The following TMEM132D variants were observed in gnomAD, a reference collection of about 807,000 sequenced individuals.
The protein encoded by TMEM132D is transmembrane protein 132D, also known as mature OL transmembrane protein.
A neutral mutation model predicts 62.3 loss-of-function variants in TMEM132D; 21 were observed. The observed-to-expected ratio is 0.34, with a 90% confidence interval of 0.24 to 0.49. The LOEUF (loss-of-function observed/expected upper bound fraction) is 0.49. Among genes scored for constraint, TMEM132D ranks in the 20% least tolerant of loss-of-function variants. The pLI is 0.99. For synonymous variants in TMEM132D, 621 were observed against 575.6 expected, an observed-to-expected ratio of 1.08 and a Z score of -1.13; for missense variants, 1,346 against 1,402.8, an observed-to-expected ratio of 0.96 and a Z score of 0.65.
At chr12:129,871,926 GA>G (rs1158149620) in intron 1 of TMEM132D, among the ~76,000 whole-genome samples, 2 of 152,196 alleles carry the variant, frequency 1.3e-5, no homozygotes, top group African/African-American at 4.8e-5. Context: ...AGGCCTACAG[GA>G]ACGGAAGAGG....
At chr12:129,689,230 G>A (rs916405283) in intron 2 of TMEM132D, among the ~76,000 whole-genome samples, 3 of 152,078 alleles carry the variant, frequency 2.0e-5, no homozygotes, top group African/African-American at 7.2e-5. Context: ...ATGGAACAGG[G>A]GCAGCACTTA....
intron 4 of TMEM132D, among the ~76,000 whole-genome samples, chr12:129,252,403 T>A (rs1206680240): frequency 6.6e-6 from 1 of 151,968 alleles, no homozygotes; most frequent in Non-Finnish European, 1.5e-5. Flanking sequence ...CTCCTCAAGG[T>A]TCCTGGTGAA....
In TMEM132D at chr12:129,189,394, G is replaced by C. The variant is rs566147297; in HGVS notation, c.1443+20126C>G. ...TTTCCAATCCCTGGGAAGTAAGGAA[G>C]ATGGACCTGGCTCAGGCCTCAGAAT... On this transcript the variant is annotated intron_variant, in intron 5 of 8. Coordinates refer to ENST00000422113, the MANE Select transcript of TMEM132D (RefSeq NM_133448.3). 2.0e-5 allele frequency among the ~76,000 whole-genome samples: 3 copies of C among 152,276 alleles called. No homozygotes were observed. In the East Asian group the frequency reaches 5.8e-4, roughly 29 times the overall value.
At position 129,864,529 on chromosome 12, in the gene TMEM132D, T is replaced by C. The variant is rs548231846; in HGVS notation, c.79+38732A>G. Among the ~76,000 whole-genome samples the C allele has an allele frequency of 6.6e-5, 10 of 152,282 alleles. No homozygotes were observed. In the South Asian group the frequency reaches 2.1e-3, roughly 32 times the overall value. On this transcript the variant is annotated intron_variant, in intron 1 of 8. Transcript: ENST00000422113. Reference sequence around the variant, plus strand: ...ACTGAAAAAGATAAGGTGTTTTTCCTGCTGAACCTGAAGTTTGGAGGATGT... The same window carrying C: ...ACTGAAAAAGATAAGGTGTTTTTCCCGCTGAACCTGAAGTTTGGAGGATGT...
At chr12:129,432,159 T>TGGTTGGA (rs1872673283) in intron 3 of TMEM132D, among the ~76,000 whole-genome samples, 3 of 134,370 alleles carry the variant, frequency 2.2e-5, no homozygotes, top group Non-Finnish European at 4.8e-5. Flanking sequence ...GGATGGATGC[T>TGGTTGGA]TGGATGGATG....
At chr12:129,156,430 C>T (rs745401425) in intron 5 of TMEM132D, among the ~76,000 whole-genome samples, 2 of 152,194 alleles carry the variant, frequency 1.3e-5, no homozygotes, top group Non-Finnish European at 2.9e-5. Context: ...AACTAACTCA[C>T]TGTTGAGATA....
intron 1 of TMEM132D, among the ~76,000 whole-genome samples, chr12:129,769,315 T>C (rs1224424917): frequency 6.6e-6 from 1 of 152,122 alleles, no homozygotes; most frequent in Non-Finnish European, 1.5e-5. Context: ...AAGTCATGTC[T>C]TACATGGCAG....
intron 1 of TMEM132D, among the ~76,000 whole-genome samples, chr12:129,851,681 C>T (rs908464109): frequency 6.6e-6 from 1 of 151,276 alleles, no homozygotes; most frequent in Admixed American, 6.6e-5. Context: ...AGCACTGCTT[C>T]CCTACAGCAG....
chr12:129,713,298 T>C (rs1170792198), intron 1 of TMEM132D, among the ~76,000 whole-genome samples: 1 of 152,206 alleles, frequency 6.6e-6, no homozygotes, highest in African/African-American at 2.4e-5. Context: ...GAGTAGTATG[T>C]AAACATGGAT....
At chr12:129,813,113 CTT>C (rs1872237065) in intron 1 of TMEM132D, among the ~76,000 whole-genome samples, 1 of 151,854 alleles carries the variant, frequency 6.6e-6, no homozygotes, top group Admixed American at 6.6e-5. Flanking sequence ...CTTTCTCCCA[CTT>C]TTTCATTCAA....
intron 5 of TMEM132D, among the ~76,000 whole-genome samples, chr12:129,171,475 C>T (rs774996739): frequency 2.6e-5 from 4 of 152,168 alleles, no homozygotes; most frequent in African/African-American, 7.2e-5. Context: ...TGCTTAATGG[C>T]GAATAGGGAA....
At chr12:129,723,653 C>G (rs1367569222) in intron 1 of TMEM132D, among the ~76,000 whole-genome samples, 6 of 152,228 alleles carry the variant, frequency 3.9e-5, no homozygotes, top group Admixed American at 3.3e-4. Context: ...TGTCCCGACC[C>G]TTGCTCACAG....
At chr12:129,369,795 G>A (rs1017845275) in intron 3 of TMEM132D, among the ~76,000 whole-genome samples, 11 of 152,384 alleles carry the variant, frequency 7.2e-5, no homozygotes, top group African/African-American at 2.6e-4. Context: ...GGAAAAGGGA[G>A]GGAAGAGGCT....
rs186813815 is a variant in TMEM132D, at chr12:129,649,770, A to C, written c.968+50040T>G. ...AAGATATATACACATATGTATGTGT[A>C]TATGTGTGTATATGTATGTGTGTGT... On this transcript the variant is annotated intron_variant, in intron 2 of 8. Transcript: ENST00000422113. Among the ~76,000 whole-genome samples the C allele has an allele frequency of 1.1e-3, 168 of 152,004 alleles. No individual in the cohort carries two copies. The South Asian group carries it at 0.012, about 11-fold the overall frequency.
Position 129,074,452 on chromosome 12 carries a change from T to C in TMEM132D, c.2723A>G (p.Gln908Arg), listed in dbSNP as rs2135603172. 1 of 1,614,194 alleles carries C rather than the reference T, an allele frequency of 6.2e-7. No individual in the cohort carries two copies. Among genetic ancestry groups the C allele is most frequent in the Admixed American group, 1.7e-5 (1 of 60,026 alleles). Residue 908 changes from glutamine (Q) to arginine (R), a missense_variant, in exon 9 of 9, where the codon CAG (glutamine) becomes CGG (arginine). By Grantham distance (43) the Gln-to-Arg change is conservative. Coordinates refer to ENST00000422113, the MANE Select transcript of TMEM132D (RefSeq NM_133448.3). ...NGEMDGNDLM[Q>R]ASKGLSDLEI... Reference sequence around the variant, plus strand: ...TAAGTCGCTCAGCCCTTTGGATGCCTGCATAAGGTCATTCCCATCCATTTC... The same window carrying C: ...TAAGTCGCTCAGCCCTTTGGATGCCCGCATAAGGTCATTCCCATCCATTTC...
At chr12:129,198,394 G>A (rs1040885834) in intron 5 of TMEM132D, among the ~76,000 whole-genome samples, 11 of 152,068 alleles carry the variant, frequency 7.2e-5, no homozygotes, top group East Asian at 5.8e-4. Context: ...TTACAATAGC[G>A]GAGTTATGGA....
intron 5 of TMEM132D, among the ~76,000 whole-genome samples, chr12:129,172,487 T>A (rs1006338117): frequency 6.6e-6 from 1 of 152,254 alleles, no homozygotes; most frequent in Non-Finnish European, 1.5e-5. Flanking sequence ...TCTGCCTTCC[T>A]CACTCAGCTT....
At chr12:129,478,218 G>A (rs1260036469) in intron 3 of TMEM132D, among the ~76,000 whole-genome samples, 1 of 152,204 alleles carries the variant, frequency 6.6e-6, no homozygotes, top group Non-Finnish European at 1.5e-5. Flanking sequence ...GTTTCTCTGG[G>A]TGAGTCAGTG....
At position 129,700,343 on chromosome 12, in the gene TMEM132D, C is replaced by A. The variant is rs1881356424; in HGVS notation, c.435G>T (p.Val145=). The change falls in exon 2 of 9, where the codon GTG becomes GTT. Residue 145 remains valine, a synonymous_variant. Transcript: ENST00000422113. Reference sequence around the variant, plus strand: ...TGCCCATGATGTGGAACAGAACCTGCACTTTGGGCCGGCTCAGGTAGACTT... The same window carrying A: ...TGCCCATGATGTGGAACAGAACCTGAACTTTGGGCCGGCTCAGGTAGACTT... ...RDKVYLSRPK[V]QVLFHIMGRD... is the part of the protein sequence containing the mutation. 2.5e-6 allele frequency: 4 copies of A among 1,614,022 alleles called. No homozygotes were observed. Among genetic ancestry groups the A allele is most frequent in the Non-Finnish European group, 3.4e-6 (4 of 1,180,040 alleles).
Sources: gnomAD v4.1 joint callset for allele counts (sites outside exome capture counted in the v4.1 genomes callset) on GRCh38, gnomAD v4.1.1 for gene constraint, MANE v1.5 for transcripts, NCBI Gene and HGNC (gene_info 2026-07-23, HGNC 2026-07-21) for gene names.